Variants in PASK observed in about 807,000 individuals in gnomAD.
The protein encoded by PASK is PAS domain containing serine/threonine kinase, also known as PAS domain-containing serine/threonine-protein kinase.
Under a neutral mutation model 121.0 loss-of-function variants are expected in PASK, and 110 were observed. The observed-to-expected ratio is 0.91, with a 90% CI of 0.78 to 1.06. PASK has a LOEUF of 1.06. PASK is among the 50% of genes least tolerant of loss of function. The pLI, the probability that PASK is intolerant of heterozygous loss-of-function variation, is 0.00. For missense variants in PASK, 1,643 were observed against 1,702.3 expected, an observed-to-expected ratio of 0.97 and a Z score of 0.61; for synonymous variants, 686 against 717.8, an observed-to-expected ratio of 0.96 and a Z score of 0.71.
chr2:241,149,337 C>A, intron 1 of PASK, 77 bp downstream of exon 1: 1 of 255,876 alleles, frequency 3.9e-6, no homozygotes, highest in Non-Finnish European at 7.5e-6. Flanking sequence ...GCCAGGGGCG[C>A]GGAGCCGCGC....
In PASK at chr2:241,137,181, G is replaced by GC. The variant is rs1559393430; in HGVS notation, c.959dup (p.Ser320ArgfsTer9). On this transcript the variant is annotated frameshift_variant, in exon 7 of 18. Coordinates refer to ENST00000234040, the MANE Select transcript of PASK (RefSeq NM_015148.4). LOFTEE classifies it high-confidence loss of function. ...CCTCACCGGTGGTCGCCTCCTCGCT[G>GC]CTGGGTTGGGATTTCAGCTTTAAGC... The GC allele has an allele frequency of 6.2e-7, 1 of 1,612,440 alleles. No homozygotes were observed. Among genetic ancestry groups the GC allele is most frequent in the Admixed American group, 1.7e-5 (1 of 60,008 alleles).
chr2:241,127,349 T>C lies in PASK; in HGVS notation c.1566A>G (p.Ile522Met), dbSNP rs772426453. The C allele has an allele frequency of 2.5e-6, 4 of 1,614,204 alleles. No individual in the cohort carries two copies. The highest frequency in any genetic ancestry group is 2.2e-5 in the East Asian group (1 of 44,888). The change falls in exon 10 of 18, where the codon ATA (isoleucine) becomes ATG (methionine). Residue 522 changes from isoleucine to methionine, a missense_variant. Transcript: ENST00000234040. The part of the protein sequence containing the change: ...TALGREEPVA[I>M]ESPGQDLLGE... ...CCAGAAGATCCTGTCCGGGGCTCTC[T>C]ATTGCCACAGGTTCCTCTCTCCCCA...
chr2:241,113,456 GCA>G (rs1346589744), intron 14 of PASK: 1 of 129,460 alleles, frequency 7.7e-6, no homozygotes, highest in Non-Finnish European at 1.9e-5. Flanking sequence ...ACATACATGT[GCA>G]CATATATACA....
intron 1 of PASK, among the ~76,000 whole-genome samples, chr2:241,146,887 T>C (rs954685775): frequency 2.0e-5 from 3 of 152,224 alleles, no homozygotes; most frequent in African/African-American, 4.8e-5. Context: ...ACTGCCTTTA[T>C]TCTTTTGTAT....
At position 241,140,599 on chromosome 2, in the gene PASK, C is replaced by T. The variant is rs200938894; in HGVS notation, c.351G>A (p.Gly117=). The stretch of plus-strand genomic sequence containing the variant: ...GGGCCGGAAGCAGAGGTGAGGACCA[C>T]CCTGAGGACAGTCCCCGCAGCAGGG... ...CCSLLRGLSS[G]WSSPLLPAPV... The change falls in exon 3 of 18, where the codon GGG becomes GGA. Residue 117 remains glycine (G), a synonymous_variant. Transcript: ENST00000234040. The T allele has an allele frequency of 2.5e-4, 399 of 1,614,076 alleles. 2 individuals are homozygous for T. The highest frequency in any genetic ancestry group is 1.5e-4 in the Non-Finnish European group (173 of 1,180,002).
At position 241,122,815 on chromosome 2, in the gene PASK, G is replaced by A. The variant is rs1335495080; in HGVS notation, c.2989C>T (p.Gln997Ter). ...GLAACEGEYSQKYSTMSPLGS... is the reference protein window; with the variant it reads ...GLAACEGEYS Reference sequence around the variant, plus strand: ...AGCGGGCTCATGGTACTGTACTTTTGGGAGTACTCGCCCTCACAGGCCGCC... The same window carrying A: ...AGCGGGCTCATGGTACTGTACTTTTAGGAGTACTCGCCCTCACAGGCCGCC... The change falls in exon 12 of 18, where the codon CAA (glutamine) becomes TAA (stop). Residue 997 changes from glutamine to a stop codon, truncating the protein, a stop_gained. Transcript: ENST00000234040. LOFTEE classifies it high-confidence loss of function. The A allele has an allele frequency of 2.5e-6, 4 of 1,613,986 alleles. No homozygotes were observed. Among genetic ancestry groups the A allele is most frequent in the Non-Finnish European group, 3.4e-6 (4 of 1,179,938 alleles).
chr2:241,126,838 G>A lies in PASK; in HGVS notation c.2077C>T (p.Pro693Ser), dbSNP rs1398611761. The change falls in exon 10 of 18, where the codon CCT becomes TCT. Residue 693 changes from proline to serine, a missense_variant. Around this residue, in one of 3 missense-constraint regions of PASK, gnomAD observed 1,176 missense variants for 1,162.2 expected, o/e 1.01. Coordinates refer to ENST00000234040, the MANE Select transcript of PASK (RefSeq NM_015148.4). The part of the protein sequence containing the change: ...VPTECQAVTA[P>S]VSSCDLGGRD... Reference sequence around the variant, plus strand: ...CCTCCCAGATCGCAGGACGACACAGGAGCGGTGACAGCCTGGCACTCTGTC... The same window carrying A: ...CCTCCCAGATCGCAGGACGACACAGAAGCGGTGACAGCCTGGCACTCTGTC... The A allele has an allele frequency of 1.2e-6, 2 of 1,613,028 alleles. No individual in the cohort carries two copies. Among genetic ancestry groups the A allele is most frequent in the South Asian group, 1.1e-5 (1 of 91,070 alleles).
intron 10 of PASK, 29 bp downstream of exon 10, chr2:241,126,167 C>T (rs759347947): frequency 1.9e-6 from 3 of 1,609,938 alleles, no homozygotes; most frequent in East Asian, 2.2e-5. Flanking sequence ...GGGAGCACCA[C>T]ACTTCTTCCT....
At chr2:241,116,914 G>A (rs568138067) in intron 12 of PASK, among the ~76,000 whole-genome samples, 109 of 152,352 alleles carry the variant, frequency 7.2e-4, no homozygotes, top group Admixed American at 2.7e-3. Flanking sequence ...AAAAGATGGG[G>A]CAGGAAGTGC....
At chr2:241,109,431 C>G (rs7603083) in intron 15 of PASK, 1 of 152,376 alleles carries the variant, frequency 6.6e-6, no homozygotes, top group Non-Finnish European at 1.5e-5. Flanking sequence ...TGGGAAGCAG[C>G]AGCCTGTTCT....
Position 241,112,991 on chromosome 2 carries a change from C to G in PASK, c.3334-552G>C, listed in dbSNP as rs2065170172. 6.6e-6 allele frequency among the ~76,000 whole-genome samples: 1 copy of G among 152,228 alleles called. No homozygotes were observed. The highest frequency in any genetic ancestry group is 1.5e-5 in the Non-Finnish European group (1 of 68,028). ...GAGAGCAGCATGACGTATCAGCCAT[C>G]CTTTCCCCAAATGTGTGGCTACTCA... On this transcript the variant is annotated intron_variant, in intron 14 of 17. Coordinates refer to ENST00000234040, the MANE Select transcript of PASK (RefSeq NM_015148.4). This position sits in a 1 kb window ranked among gnomAD's most constrained non-coding sequence, Gnocchi z 5.2.
Position 241,126,887 on chromosome 2 carries a change from A to AT in PASK, c.2027dup (p.Asp676GlufsTer60). The AT allele has an allele frequency of 6.2e-7, 1 of 1,613,528 alleles. No homozygotes were observed. The highest frequency in any genetic ancestry group is 2.2e-5 in the East Asian group (1 of 44,862). ...TCGGAACGAGTTCGGCGTGGGGGAC[A>AT]TCCAGGGCTCCTGCAAGGCTCAACT... On this transcript the variant is annotated frameshift_variant, in exon 10 of 18. Coordinates refer to ENST00000234040, the MANE Select transcript of PASK (RefSeq NM_015148.4). LOFTEE classifies it high-confidence loss of function.
chr2:241,132,383 G>A (rs931339231), intron 9 of PASK, among the ~76,000 whole-genome samples: 2 of 151,768 alleles, frequency 1.3e-5, no homozygotes, highest in South Asian at 2.1e-4. Context: ...GGGCGTGGTG[G>A]CGGGCGCCTG....
chr2:241,126,380 T>C lies in PASK; in HGVS notation c.2535A>G (p.Gly845=). 1.2e-6 allele frequency: 2 copies of C among 1,614,230 alleles called. No homozygotes were observed. The highest frequency in any genetic ancestry group is 8.5e-7 in the Non-Finnish European group (1 of 1,180,032). ...CAGCATCCAACGTGGAAGGAACGTG[T>C]CCTGGGCTTTCTCTGTCGCTTGCTG... is the stretch of plus-strand genomic sequence containing the variant. The part of the protein sequence containing the change: ...HYAASDRESP[G]HVPSTLDAGP... The change falls in exon 10 of 18, where the codon GGA becomes GGG. Residue 845 remains glycine, a synonymous_variant. Transcript: ENST00000234040.
At chr2:241,134,262 G>A (rs2066303552) in intron 8 of PASK, 1 of 152,150 alleles carries the variant, frequency 6.6e-6, no homozygotes, top group Non-Finnish European at 1.5e-5. Context: ...GCATGCACAG[G>A]TCAGAATTTG....
chr2:241,132,366 A>T (rs1244821330), intron 9 of PASK, among the ~76,000 whole-genome samples: 1 of 151,496 alleles, frequency 6.6e-6, no homozygotes, highest in Non-Finnish European at 1.5e-5. Context: ...AATACAAAAA[A>T]GTAACCGGGC....
intron 9 of PASK, among the ~76,000 whole-genome samples, chr2:241,131,460 A>G (rs923127632): frequency 6.6e-6 from 1 of 152,148 alleles, no homozygotes; most frequent in African/African-American, 2.4e-5. Flanking sequence ...TGCATTACAT[A>G]TTTTTAAACA....
intron 8 of PASK, chr2:241,134,724 T>C (rs2240550): frequency 0.39 from 59,278 of 151,604 alleles, 12,183 homozygotes; most frequent in Middle Eastern, 0.56. Flanking sequence ...AGCCCCGAGG[T>C]GGCTGTGCTT....
intron 12 of PASK, 41 bp downstream of exon 12, chr2:241,122,691 A>T: frequency 6.3e-7 from 1 of 1,584,082 alleles, no homozygotes; most frequent in African/African-American, 1.3e-5. Flanking sequence ...GAGCCATGTG[A>T]AGTGGTGCCC....
Sources: allele counts gnomAD v4.1 joint callset (sites outside exome capture counted in the v4.1 genomes callset), GRCh38; gene constraint gnomAD v4.1.1; regional missense constraint gnomAD v4.1.1; non-coding constraint Gnocchi (gnomAD v3.1); transcripts MANE v1.5; gene names NCBI Gene and HGNC (gene_info 2026-07-23, HGNC 2026-07-21).